The following FBXL17 variants were observed in gnomAD, a reference collection of about 807,000 sequenced individuals.
The protein encoded by FBXL17 is F-box and leucine rich repeat protein 17.
In FBXL17, 22 loss-of-function variants were observed where a neutral mutation model predicts 66.2. That is an observed-to-expected ratio of 0.33 (90% confidence interval 0.24 to 0.47). FBXL17 has a LOEUF of 0.47. Among genes scored for constraint, FBXL17 ranks in the 20% least tolerant of loss-of-function variants. The probability of loss-of-function intolerance (pLI) is 1.00; values close to 1 mark genes in which losing one functional copy is unlikely to be tolerated. For synonymous variants in FBXL17, 474 were observed against 400.5 expected, an observed-to-expected ratio of 1.18 and a Z score of -2.19; for missense variants, 878 against 948.2, an observed-to-expected ratio of 0.93 and a Z score of 0.97.
At chr5:108,277,833 T>C (rs1485534440) in intron 4 of FBXL17, among the ~76,000 whole-genome samples, 3 of 152,252 alleles carry the variant, frequency 2.0e-5, no homozygotes, top group South Asian at 2.1e-4. Context: ...TATACTACAC[T>C]GTATTCTATT....
At chr5:108,310,526 A>C (rs1426370516) in intron 4 of FBXL17, among the ~76,000 whole-genome samples, 1 of 152,208 alleles carries the variant, frequency 6.6e-6, no homozygotes, top group East Asian at 1.9e-4. Context: ...CTGTGTAGCT[A>C]AATAAATAAC....
chr5:108,007,645 C>T (rs1332164531), intron 7 of FBXL17, among the ~76,000 whole-genome samples: 3 of 142,222 alleles, frequency 2.1e-5, no homozygotes, highest in Non-Finnish European at 1.5e-5. Flanking sequence ...AGTTAAATGC[C>T]GAGTATACGG....
At chr5:107,878,614 A>G (rs968480429) in intron 8 of FBXL17, 1 of 985,166 alleles carries the variant, frequency 1.0e-6, no homozygotes, top group African/African-American at 1.7e-5. Context: ...TGTTACTCAT[A>G]TCTTCCTTTG....
In FBXL17 at chr5:108,381,873, C is replaced by T. The variant is rs544571164; in HGVS notation, c.-182G>A. The T allele has an allele frequency of 6.2e-6, 8 of 1,291,430 alleles. No individual in the cohort carries two copies. In the African/African-American group the frequency reaches 1.1e-4, roughly 17 times the overall value. The allele number at this position is 1,291,430 out of a possible 1,614,324, so 80.0% of individuals were successfully genotyped here. A position where few individuals can be genotyped will look rare whatever the true frequency, so the allele number is the denominator to read the frequency against. Reference sequence around the variant, plus strand: ...GGGGTGGGCGTCAGCTGCGGGCCGCCGGAGTGCCCGACGGGGGCTACATGC... The same window carrying T: ...GGGGTGGGCGTCAGCTGCGGGCCGCTGGAGTGCCCGACGGGGGCTACATGC... On this transcript the variant is annotated 5_prime_UTR_variant, in exon 1 of 9. Coordinates refer to ENST00000542267, the MANE Select transcript of FBXL17 (RefSeq NM_001163315.3).
chr5:108,272,454 A>G (rs1242554725), intron 4 of FBXL17, among the ~76,000 whole-genome samples: 1 of 151,794 alleles, frequency 6.6e-6, no homozygotes, highest in Non-Finnish European at 1.5e-5. Flanking sequence ...TCCAGGTTCA[A>G]GTGATTCTTG....
At chr5:108,111,033 G>T (rs374361350) in intron 6 of FBXL17, among the ~76,000 whole-genome samples, 34 of 152,186 alleles carry the variant, frequency 2.2e-4, no homozygotes, top group African/African-American at 7.7e-4. Flanking sequence ...AACAAGTGCT[G>T]GCCTGACCCC....
intron 6 of FBXL17, among the ~76,000 whole-genome samples, chr5:108,055,292 AAAAAAAAAAAAAAAAAAAAAAG>A (rs1332364729): frequency 9.7e-5 from 7 of 72,314 alleles, no homozygotes; most frequent in Middle Eastern, 5.6e-3. Context: ...AAAAAAAAAA[AAAAAAAAAAAAAAAAAAAAAAG>A]AAAAACGCTT....
intron 5 of FBXL17, among the ~76,000 whole-genome samples, chr5:108,219,708 A>G (rs1754767317): frequency 6.6e-6 from 1 of 151,962 alleles, no homozygotes; most frequent in Non-Finnish European, 1.5e-5. Context: ...AAAAAAAAAG[A>G]TGTTCATAAT....
At chr5:108,161,491 A>AACAG (rs1487871223) in intron 6 of FBXL17, among the ~76,000 whole-genome samples, 1 of 151,526 alleles carries the variant, frequency 6.6e-6, no homozygotes, top group Non-Finnish European at 1.5e-5. Context: ...GTCTCAAACA[A>AACAG]ACAAACAAAA....
chr5:108,120,386 T>TA (rs1021625608), intron 6 of FBXL17, among the ~76,000 whole-genome samples: 1 of 152,104 alleles, frequency 6.6e-6, no homozygotes, highest in Non-Finnish European at 1.5e-5. Context: ...TAGAAAACAA[T>TA]AAAAAACCAT....
At chr5:108,174,635 C>T (rs1324028598) in intron 6 of FBXL17, among the ~76,000 whole-genome samples, 1 of 150,966 alleles carries the variant, frequency 6.6e-6, no homozygotes, top group Admixed American at 6.6e-5. Context: ...TAGCAATTAA[C>T]CAAACACTAA....
intron 4 of FBXL17, among the ~76,000 whole-genome samples, chr5:108,337,743 A>G (rs191383998): frequency 1.1e-4 from 17 of 152,042 alleles, no homozygotes; most frequent in African/African-American, 4.1e-4. Flanking sequence ...AGAGACTAGT[A>G]ACTGAAGAAA....
chr5:107,977,010 T>C (rs1752605706), intron 7 of FBXL17, among the ~76,000 whole-genome samples: 1 of 152,228 alleles, frequency 6.6e-6, no homozygotes, highest in African/African-American at 2.4e-5. Flanking sequence ...TGGGAATATC[T>C]GCTATTTAAG....
intron 6 of FBXL17, among the ~76,000 whole-genome samples, chr5:108,177,921 A>G (rs1338259832): frequency 2.8e-5 from 4 of 142,474 alleles, no homozygotes; most frequent in South Asian, 2.2e-4. Flanking sequence ...GTATATATAT[A>G]TATATATATA....
intron 6 of FBXL17, among the ~76,000 whole-genome samples, chr5:108,168,985 T>C (rs1484092199): frequency 1.3e-5 from 2 of 152,220 alleles, no homozygotes; most frequent in Non-Finnish European, 2.9e-5. Flanking sequence ...GTAAAGTTAT[T>C]GTGACCTTGT....
chr5:107,926,485 T>C (rs955388896), intron 7 of FBXL17, among the ~76,000 whole-genome samples: 1 of 152,142 alleles, frequency 6.6e-6, no homozygotes, highest in African/African-American at 2.4e-5. Flanking sequence ...TCTTTTTCCT[T>C]GCATCTCCTG....
chr5:108,130,594 G>A (rs1750893686), intron 6 of FBXL17, among the ~76,000 whole-genome samples: 1 of 151,990 alleles, frequency 6.6e-6, no homozygotes, highest in African/African-American at 2.4e-5. Context: ...TTTTCTGTAT[G>A]CTGAAAATAT....
intron 6 of FBXL17, among the ~76,000 whole-genome samples, chr5:108,177,727 TG>T (rs1460940416): frequency 1.3e-5 from 2 of 151,930 alleles, no homozygotes; most frequent in African/African-American, 4.8e-5. Flanking sequence ...CCTCTAGTTG[TG>T]AACTATTCAA....
intron 6 of FBXL17, among the ~76,000 whole-genome samples, chr5:108,022,677 T>C (rs973413120): frequency 2.0e-5 from 3 of 152,094 alleles, no homozygotes; most frequent in Admixed American, 1.3e-4. Context: ...TCTAAACAAG[T>C]GCAATATCCT....
Sources: allele counts gnomAD v4.1 joint callset (sites outside exome capture counted in the v4.1 genomes callset), GRCh38; gene constraint gnomAD v4.1.1; transcripts MANE v1.5; gene names NCBI Gene and HGNC (gene_info 2026-07-23, HGNC 2026-07-21).